Variants in AP3B1 observed in about 807,000 individuals in gnomAD.
AP3B1 encodes adaptor related protein complex 3 subunit beta 1, also known as AP-3 complex subunit beta-1.
AP3B1 carries 61 observed loss-of-function variants against 132.5 expected under a neutral mutation model. The observed-to-expected ratio is 0.46, with a 90% confidence interval of 0.37 to 0.57. AP3B1 has a LOEUF of 0.57. Ranked by LOEUF, AP3B1 falls within the 20% of genes least tolerant of loss-of-function variation. The pLI is 0.00. For missense variants in AP3B1, 1,120 were observed against 1,289.4 expected (o/e 0.87, Z 2.01); for synonymous variants, 388 against 438.3 (o/e 0.89, Z 1.43).
chr5:78,057,942 T>G (rs1748885438), intron 22 of AP3B1, among the ~76,000 whole-genome samples: 1 of 152,152 alleles, frequency 6.6e-6, no homozygotes, highest in Non-Finnish European at 1.5e-5. Context: ...AATAATTTCT[T>G]TATTACATAA....
chr5:78,113,400 G>T (rs556436534), intron 19 of AP3B1, among the ~76,000 whole-genome samples: 1 of 152,156 alleles, frequency 6.6e-6, no homozygotes, highest in East Asian at 1.9e-4. Context: ...AATTGTCTTG[G>T]TTACATAATG....
intron 1 of AP3B1, among the ~76,000 whole-genome samples, chr5:78,275,509 C>T (rs907070643): frequency 2.0e-5 from 3 of 151,942 alleles, no homozygotes; most frequent in African/African-American, 7.3e-5. Context: ...GACAGTCTTG[C>T]TCTGTCACCA....
At chr5:78,138,670 T>G (rs1421494364) in intron 15 of AP3B1, among the ~76,000 whole-genome samples, 1 of 152,052 alleles carries the variant, frequency 6.6e-6, no homozygotes, top group African/African-American at 2.4e-5. Flanking sequence ...AGGCCTATTG[T>G]AGTTTCCTAG....
At chr5:78,163,471 T>A (rs893989755) in intron 12 of AP3B1, among the ~76,000 whole-genome samples, 1 of 152,014 alleles carries the variant, frequency 6.6e-6, no homozygotes, top group African/African-American at 2.4e-5. Flanking sequence ...CGGTGAACAG[T>A]ATTTCAATAA....
rs529165149 is a variant in AP3B1 at position 78,016,704 on chromosome 5, G to T, written c.2993-1156C>A. On this transcript the variant is annotated intron_variant, in intron 25 of 26. Transcript: ENST00000255194. ...AGCCTAACATTGTGAAAAGACTTTT[G>T]CCGTCAGTTAGAAAATAGAACTATC... 4.6e-5 allele frequency among the ~76,000 whole-genome samples: 7 copies of T among 152,158 alleles called. No homozygotes were observed. The East Asian group carries it at 1.3e-3, about 29-fold the overall frequency.
chr5:78,266,751 A>C (rs369205716), intron 2 of AP3B1, among the ~76,000 whole-genome samples: 46 of 152,350 alleles, frequency 3.0e-4, no homozygotes, highest in African/African-American at 1.1e-3. Context: ...CAGTGAAACA[A>C]AAGCAAAACT....
chr5:78,225,879 G>A (rs1023407755), intron 5 of AP3B1, among the ~76,000 whole-genome samples: 3 of 151,784 alleles, frequency 2.0e-5, no homozygotes, highest in Non-Finnish European at 4.4e-5. Flanking sequence ...TAAAAGAGTT[G>A]GAAAACTTCA....
intron 22 of AP3B1, chr5:78,042,207 A>C (rs1446822360): frequency 6.5e-6 from 1 of 153,468 alleles, no homozygotes; most frequent in African/African-American, 2.4e-5. Flanking sequence ...TGTGGATTCC[A>C]AGCTTTAGAT....
chr5:78,213,445 A>G (rs1406878981), intron 7 of AP3B1, among the ~76,000 whole-genome samples: 1 of 152,208 alleles, frequency 6.6e-6, no homozygotes, highest in Middle Eastern at 3.2e-3. Context: ...AGTCTAACAT[A>G]TTGTACAATC....
intron 21 of AP3B1, among the ~76,000 whole-genome samples, chr5:78,096,063 T>C (rs168785): frequency 0.28 from 42,613 of 152,058 alleles, 6,690 homozygotes; most frequent in African/African-American, 0.41. Flanking sequence ...GATGCCGAGC[T>C]GAAGCTGGAC....
chr5:78,081,065 G>C (rs942190928), intron 22 of AP3B1, among the ~76,000 whole-genome samples: 1 of 152,044 alleles, frequency 6.6e-6, no homozygotes, highest in Non-Finnish European at 1.5e-5. Context: ...TTGATTCAGG[G>C]TACTCTTGAG....
chr5:78,195,049 T>C (rs1745022341), intron 7 of AP3B1, among the ~76,000 whole-genome samples: 1 of 144,850 alleles, frequency 6.9e-6, no homozygotes, highest in Non-Finnish European at 1.5e-5. Flanking sequence ...AATATACATT[T>C]AAGCTGGACC....
chr5:78,231,997 T>C (rs999724714), intron 3 of AP3B1, among the ~76,000 whole-genome samples: 6 of 152,202 alleles, frequency 3.9e-5, no homozygotes, highest in South Asian at 2.1e-4. Flanking sequence ...TAATAGTAAC[T>C]ATCTCTGTGT....
At chr5:78,101,260 G>A in intron 20 of AP3B1, 3 of 473,188 alleles carry the variant, frequency 6.3e-6, no homozygotes, top group South Asian at 6.3e-5. Flanking sequence ...AATTATAAAT[G>A]TCAGAACAAA....
At chr5:78,232,408 CCT>C (rs758804178) in intron 3 of AP3B1, among the ~76,000 whole-genome samples, 1 of 152,174 alleles carries the variant, frequency 6.6e-6, no homozygotes, top group Non-Finnish European at 1.5e-5. Context: ...CATACACCCA[CCT>C]CTGAGTGCCA....
rs746791177 is a variant in AP3B1 at position 78,110,194 on chromosome 5, T to C, written c.2397+13A>G. The C allele has an allele frequency of 6.3e-7, 1 of 1,595,710 alleles. No homozygotes were observed. The highest frequency in any genetic ancestry group is 1.1e-5 in the South Asian group (1 of 89,188). The stretch of plus-strand genomic sequence containing the variant: ...TATTTACCTTCAATTACAACAAATG[T>C]ATAATCTCTTACCTTAGTGACTCTT... On this transcript the variant is annotated intron_variant, in intron 20 of 26. Transcript: ENST00000255194.
chr5:78,119,499 G>C (rs1283499102), intron 17 of AP3B1, among the ~76,000 whole-genome samples: 3 of 152,186 alleles, frequency 2.0e-5, no homozygotes, highest in African/African-American at 4.8e-5. Flanking sequence ...CCTTAAAGGA[G>C]CTGATGGAGC....
intron 26 of AP3B1, among the ~76,000 whole-genome samples, chr5:78,005,873 T>C (rs762134209): frequency 7.2e-5 from 11 of 152,318 alleles, no homozygotes; most frequent in African/African-American, 1.2e-4. Context: ...AAAATAGTTA[T>C]GGAAAGAGTA....
chr5:78,228,102 C>T, intron 4 of AP3B1, 42 bp downstream of exon 4: 1 of 1,362,616 alleles, frequency 7.3e-7, no homozygotes, highest in Non-Finnish European at 1.0e-6. Flanking sequence ...TTCAACTCTG[C>T]AGAAACCTTG....
Sources: allele counts gnomAD v4.1 joint callset (sites outside exome capture counted in the v4.1 genomes callset), GRCh38; gene constraint gnomAD v4.1.1; transcripts MANE v1.5; gene names NCBI Gene and HGNC (gene_info 2026-07-23, HGNC 2026-07-21).